CCDC85C: variants seen among roughly 807,000 people sequenced by gnomAD.
CCDC85C encodes the protein coiled-coil domain-containing protein 85C.
CCDC85C carries 18 observed loss-of-function variants against 38.3 expected under a neutral mutation model. That is an observed-to-expected ratio of 0.47 (90% CI 0.33 to 0.70). The LOEUF is 0.70. Ranked by LOEUF, CCDC85C falls within the 30% of genes least tolerant of loss-of-function variation. The pLI, the probability that CCDC85C is intolerant of heterozygous loss-of-function variation, is 0.03. For synonymous variants in CCDC85C, 264 were observed against 293.8 expected, an observed-to-expected ratio of 0.90 and a Z score of 1.04; for missense variants, 566 against 621.2, an observed-to-expected ratio of 0.91 and a Z score of 0.94.
At chr14:99,565,246 TC>T (rs1179038803) in intron 1 of CCDC85C, among the ~76,000 whole-genome samples, 1 of 152,182 alleles carries the variant, frequency 6.6e-6, no homozygotes, top group Non-Finnish European at 1.5e-5. Flanking sequence ...CCACAGCTCG[TC>T]GTGTGCACAA....
intron 1 of CCDC85C, among the ~76,000 whole-genome samples, chr14:99,563,431 C>A (rs1898156174): frequency 6.6e-6 from 1 of 152,272 alleles, no homozygotes; most frequent in Non-Finnish European, 1.5e-5. Context: ...AGCCACGCCC[C>A]CCTCACCCTG....
intron 2 of CCDC85C, among the ~76,000 whole-genome samples, chr14:99,531,330 G>T (rs768344729): frequency 1.3e-5 from 2 of 152,108 alleles, no homozygotes; most frequent in African/African-American, 4.8e-5. Flanking sequence ...CCCAGCAGGG[G>T]AGTTAACGAG....
chr14:99,592,483 G>T (rs1333087747), intron 1 of CCDC85C, among the ~76,000 whole-genome samples: 4 of 152,194 alleles, frequency 2.6e-5, no homozygotes, highest in Admixed American at 2.6e-4. Flanking sequence ...AGGAGGGGCT[G>T]GAGAGAGTGC....
intron 1 of CCDC85C, among the ~76,000 whole-genome samples, chr14:99,549,965 C>A (rs752860178): frequency 6.6e-6 from 1 of 152,210 alleles, no homozygotes; most frequent in Non-Finnish European, 1.5e-5. Context: ...TCAGAAGAGG[C>A]AGTGTAGTGC....
chr14:99,517,662 C>A (rs1174699590), intron 3 of CCDC85C, among the ~76,000 whole-genome samples: 1 of 152,214 alleles, frequency 6.6e-6, no homozygotes, highest in African/African-American at 2.4e-5. Flanking sequence ...CTCCCTGGGG[C>A]CTGCCTCCCA....
At chr14:99,517,426 G>A (rs1374479237) in intron 3 of CCDC85C, among the ~76,000 whole-genome samples, 1 of 152,108 alleles carries the variant, frequency 6.6e-6, no homozygotes, top group Non-Finnish European at 1.5e-5. Context: ...AGGCAAGAGG[G>A]GCAGTCCAGG....
In CCDC85C at chr14:99,516,939, G is replaced by A; in HGVS notation, c.1071+149C>T. The A allele has an allele frequency of 1.4e-6, 1 of 731,472 alleles. No homozygotes were observed. The highest frequency in any genetic ancestry group is 1.6e-5 in the South Asian group (1 of 61,386). 45.3% of individuals were successfully genotyped at this position (731,472 alleles called of 1,614,324 possible). ...CCACCTCTGAGTTCAACCTCACAGT[G>A]CTCCAGGCAGCCATGGTCACCCAGC... On this transcript the variant is annotated intron_variant, in intron 4 of 5. Coordinates refer to ENST00000380243, the MANE Select transcript of CCDC85C (RefSeq NM_001144995.2). This position sits in a 1 kb window ranked among gnomAD's most constrained non-coding sequence, Gnocchi z 5.5.
In CCDC85C at chr14:99,545,688, G is replaced by A. The variant is rs1375314817; in HGVS notation, c.794-9600C>T. ...CTGTGTGCAGACATCAGCTAGTCCC[G>A]CCGGGGAGAGACATCTCACCACACA... On this transcript the variant is annotated intron_variant, in intron 1 of 5. Coordinates refer to ENST00000380243, the MANE Select transcript of CCDC85C (RefSeq NM_001144995.2). This position sits in a 1 kb window ranked among gnomAD's most constrained non-coding sequence, Gnocchi z 4.7. Among the ~76,000 whole-genome samples, 6 of 152,102 alleles carry A rather than the reference G, an allele frequency of 3.9e-5. No individual in the cohort carries two copies. The highest frequency in any genetic ancestry group is 2.1e-4 in the South Asian group (1 of 4,822).
rs375840284 is a variant in CCDC85C, at chr14:99,500,882, A to G, written c.*14364T>C. On this transcript the variant is annotated 3_prime_UTR_variant, in exon 6 of 6. Transcript: ENST00000380243. ...CAAAGCAACTCAAAGGTAAGAAGAA[A>G]GTTTTCAGAAGAATTTTTTCATTCT... 2 of 1,420,414 alleles carry G rather than the reference A, an allele frequency of 1.4e-6. No homozygotes were observed. The highest frequency in any genetic ancestry group is 2.9e-5 in the African/African-American group (2 of 69,478). 88.0% of individuals were successfully genotyped at this position (1,420,414 alleles called of 1,614,324 possible). A position where few individuals can be genotyped will look rare whatever the true frequency, so the allele number is the denominator to read the frequency against.
At chr14:99,595,871 G>T (rs1021295710) in intron 1 of CCDC85C, among the ~76,000 whole-genome samples, 9 of 152,224 alleles carry the variant, frequency 5.9e-5, no homozygotes, top group African/African-American at 1.7e-4. Context: ...GGAGGCGAGT[G>T]AGAGAAAACC....
In CCDC85C at chr14:99,502,468, G is replaced by C; in HGVS notation, c.*12778C>G. The C allele has an allele frequency of 6.7e-7, 1 of 1,499,336 alleles. No individual in the cohort carries two copies. The highest frequency in any genetic ancestry group is 8.9e-7 in the Non-Finnish European group (1 of 1,121,822). 92.9% of individuals were successfully genotyped at this position (1,499,336 alleles called of 1,614,324 possible). A position where few individuals can be genotyped will look rare whatever the true frequency, so the allele number is the denominator to read the frequency against. Reference sequence around the variant, plus strand: ...TGAGTCCCAAGAATGGATTTTCCCAGATAGACATATGTGAGCAATATTTCA... The same window carrying C: ...TGAGTCCCAAGAATGGATTTTCCCACATAGACATATGTGAGCAATATTTCA... On this transcript the variant is annotated 3_prime_UTR_variant, in exon 6 of 6. Coordinates refer to ENST00000380243, the MANE Select transcript of CCDC85C (RefSeq NM_001144995.2).
chr14:99,521,953 G>A (rs1352775959), intron 3 of CCDC85C, among the ~76,000 whole-genome samples, 180 bp downstream of exon 3: 1 of 152,238 alleles, frequency 6.6e-6, no homozygotes, highest in Non-Finnish European at 1.5e-5. Context: ...CTCCAGCAGT[G>A]TCAACCCACC....
intron 1 of CCDC85C, among the ~76,000 whole-genome samples, chr14:99,542,635 C>T (rs1317696822): frequency 6.6e-6 from 1 of 152,188 alleles, no homozygotes; most frequent in African/African-American, 2.4e-5. Context: ...TCCTCCCCAC[C>T]CTCCAGCTCA....
At chr14:99,597,011 G>A (rs2139993348) in intron 1 of CCDC85C, among the ~76,000 whole-genome samples, 1 of 152,276 alleles carries the variant, frequency 6.6e-6, no homozygotes, top group African/African-American at 2.4e-5. Context: ...GATAGCAGCT[G>A]AGAGCAGGAC....
Position 99,503,848 on chromosome 14 carries a change from A to G in CCDC85C, c.*11398T>C. On this transcript the variant is annotated 3_prime_UTR_variant, in exon 6 of 6. Transcript: ENST00000380243. ...ATTGTGCTCTTACGAAGCTATCAGT[A>G]CAGAAAACATTACTGGCAATAAAAA... 1 of 573,040 alleles carries G rather than the reference A, an allele frequency of 1.7e-6. No homozygotes were observed. Among genetic ancestry groups the G allele is most frequent in the Non-Finnish European group, 3.1e-6 (1 of 322,764 alleles). The allele number at this position is 573,040 out of a possible 1,614,324, so 35.5% of individuals were successfully genotyped here.
rs533804660 is a variant in CCDC85C at position 99,548,398 on chromosome 14, G to A, written c.794-12310C>T. On this transcript the variant is annotated intron_variant, in intron 1 of 5. Transcript: ENST00000380243. This position sits in a 1 kb window ranked among gnomAD's most constrained non-coding sequence, Gnocchi z 4.9. The stretch of plus-strand genomic sequence containing the variant: ...GTAAAAAGTGGTCATGCTGTGTGAC[G>A]GTGCACACGTAAGAACGGGCCACAC... Among the ~76,000 whole-genome samples, 136 of 152,140 alleles carry A rather than the reference G, an allele frequency of 8.9e-4. No individual in the cohort carries two copies. Among genetic ancestry groups the A allele is most frequent in the African/African-American group, 2.8e-3 (117 of 41,484 alleles).
rs1459337795 is a variant in CCDC85C, at chr14:99,588,257, T to C, written c.793+14910A>G. The stretch of plus-strand genomic sequence containing the variant: ...CAACCTGCTTGGGATGCAGCTGGCA[T>C]GGTGGTACACCAGCACCTTTCTGAG... On this transcript the variant is annotated intron_variant, in intron 1 of 5. Coordinates refer to ENST00000380243, the MANE Select transcript of CCDC85C (RefSeq NM_001144995.2). The surrounding 1 kb of genome is among the most constrained non-coding windows in gnomAD (Gnocchi z 5.0). Among the ~76,000 whole-genome samples the C allele has an allele frequency of 6.6e-6, 1 of 152,054 alleles. No homozygotes were observed. Among genetic ancestry groups the C allele is most frequent in the Non-Finnish European group, 1.5e-5 (1 of 68,024 alleles).
At chr14:99,554,059 G>C (rs1897965625) in intron 1 of CCDC85C, among the ~76,000 whole-genome samples, 2 of 152,148 alleles carry the variant, frequency 1.3e-5, no homozygotes, top group Admixed American at 1.3e-4. Context: ...CCGCCACCCA[G>C]TGTGGTCGGC....
At chr14:99,583,050 T>C (rs530662806) in intron 1 of CCDC85C, 1 of 152,348 alleles carries the variant, frequency 6.6e-6, no homozygotes, top group Non-Finnish European at 1.5e-5. Context: ...TTACAACTAA[T>C]TGATCACAAT....
Sources: gnomAD v4.1 joint callset for allele counts (sites outside exome capture counted in the v4.1 genomes callset) on GRCh38, gnomAD v4.1.1 for gene constraint, Gnocchi (gnomAD v3.1) non-coding constraint, MANE v1.5 for transcripts, NCBI Gene and HGNC (gene_info 2026-07-23, HGNC 2026-07-21) for gene names.